RNLS: variants seen among roughly 807,000 people sequenced by gnomAD.
The protein encoded by RNLS is renalase.
Under a neutral mutation model 39.8 loss-of-function variants are expected in RNLS, and 39 were observed. The ratio of observed to expected loss-of-function variants is 0.98; its 90% confidence interval spans 0.76 to 1.28. The LOEUF (loss-of-function observed/expected upper bound fraction) is 1.28, where lower values mean the gene tolerates loss of function less well. Ranked by LOEUF, RNLS falls within the 50% of genes most tolerant of loss-of-function variation. The probability of loss-of-function intolerance (pLI) is 0.00; values close to 1 mark genes in which losing one functional copy is unlikely to be tolerated. For synonymous variants in RNLS, 147 were observed against 150.7 expected, an observed-to-expected ratio of 0.98 and a Z score of 0.18; for missense variants, 410 against 413.3, an observed-to-expected ratio of 0.99 and a Z score of 0.07.
chr10:88,332,427 A>G (rs1366996668), intron 5 of RNLS, among the ~76,000 whole-genome samples: 2 of 152,280 alleles, frequency 1.3e-5, no homozygotes, highest in East Asian at 1.9e-4. Flanking sequence ...TTATACTGTC[A>G]TCTTTGAGGA....
intron 5 of RNLS, among the ~76,000 whole-genome samples, chr10:88,339,486 G>A (rs1442649024): frequency 1.3e-5 from 2 of 152,114 alleles, no homozygotes; most frequent in African/African-American, 4.8e-5. Flanking sequence ...CTAAGCTCAG[G>A]TTGAAGTCAT....
chr10:88,271,869 C>T (rs1411541580), downstream of RNLS, among the ~76,000 whole-genome samples: 1 of 152,160 alleles, frequency 6.6e-6, no homozygotes, highest in Non-Finnish European at 1.5e-5. Context: ...CCCAGGAGTT[C>T]GTTTCTGTAT....
intron 4 of RNLS, among the ~76,000 whole-genome samples, chr10:88,469,824 T>TGTGTGTGTGC (rs1843411765): frequency 2.6e-5 from 1 of 39,016 alleles, no homozygotes; most frequent in Non-Finnish European, 9.9e-5. Context: ...TGTGTGTGCG[T>TGTGTGTGTGC]GTGTGTGTGT....
the RNLS span, among the ~76,000 whole-genome samples, chr10:88,180,183 T>C: frequency 1.3e-5 from 2 of 152,262 alleles, no homozygotes; most frequent in Admixed American, 6.5e-5. Flanking sequence ...GATCTGCTTA[T>C]ACTTTAAAAC....
rs1267382778 is a variant in RNLS, at chr10:88,359,325, AC to A, written c.700+3226del. On this transcript the variant is annotated intron_variant, in intron 5 of 6. Transcript: ENST00000331772. ...AGCGAAACTACATTAAAAAAAAAAAACAAAAAAACTCTTACTGTCCTAGTTA... is the reference window on the plus strand; with the variant it reads ...AGCGAAACTACATTAAAAAAAAAAAAAAAAAAACTCTTACTGTCCTAGTTA... Among the ~76,000 whole-genome samples, 11 of 145,958 alleles carry A rather than the reference AC, an allele frequency of 7.5e-5. No individual in the cohort carries two copies. The East Asian group carries it at 2.0e-3, about 26-fold the overall frequency.
At chr10:88,359,391 T>C (rs1849460527) in intron 5 of RNLS, among the ~76,000 whole-genome samples, 1 of 152,106 alleles carries the variant, frequency 6.6e-6, no homozygotes, top group Admixed American at 6.5e-5. Context: ...TTACATTACA[T>C]GGGCATTTGT....
chr10:88,430,182 TG>T (rs1564793103), intron 4 of RNLS, among the ~76,000 whole-genome samples: 1 of 151,908 alleles, frequency 6.6e-6, no homozygotes, highest in African/African-American at 2.4e-5. Flanking sequence ...CTTTCAGTAA[TG>T]TTTTATAGTT....
At chr10:88,505,558 A>G (rs1845744749) in intron 4 of RNLS, among the ~76,000 whole-genome samples, 1 of 152,042 alleles carries the variant, frequency 6.6e-6, no homozygotes, top group Non-Finnish European at 1.5e-5. Context: ...GTGGGAGAGA[A>G]GAAGGAATAA....
chr10:88,303,816 C>T (rs1047915051), intron 6 of RNLS, among the ~76,000 whole-genome samples: 4 of 152,184 alleles, frequency 2.6e-5, no homozygotes, highest in Non-Finnish European at 4.4e-5. Context: ...AGAAGGCACC[C>T]AGACCTGTGC....
chr10:88,345,083 T>C (rs1848218995), intron 5 of RNLS, among the ~76,000 whole-genome samples: 1 of 152,062 alleles, frequency 6.6e-6, no homozygotes, highest in African/African-American at 2.4e-5. Flanking sequence ...TAACAAGAAA[T>C]TTACTGGTAA....
At chr10:88,391,213 T>C (rs1359860710) in intron 4 of RNLS, among the ~76,000 whole-genome samples, 1 of 152,184 alleles carries the variant, frequency 6.6e-6, no homozygotes, top group Non-Finnish European at 1.5e-5. Flanking sequence ...ATTATGATAT[T>C]CCTTTCTTCT....
Position 88,305,980 on chromosome 10 carries a change from C to T in RNLS, c.876+8486G>A, listed in dbSNP as rs150431308. Among the ~76,000 whole-genome samples, 545 of 152,302 alleles carry T rather than the reference C, an allele frequency of 3.6e-3. 3 individuals are homozygous for T. Among genetic ancestry groups the T allele is most frequent in the African/African-American group, 0.013 (522 of 41,566 alleles). On this transcript the variant is annotated intron_variant, in intron 6 of 6. Transcript: ENST00000331772. Reference sequence around the variant, plus strand: ...GAACTGAAATCATAACAAACAATCTCTCAGACCACAGCACAATCAAATTAG... The same window carrying T: ...GAACTGAAATCATAACAAACAATCTTTCAGACCACAGCACAATCAAATTAG...
intron 4 of RNLS, among the ~76,000 whole-genome samples, chr10:88,381,245 G>A (rs528574102): frequency 4.6e-5 from 7 of 152,154 alleles, no homozygotes; most frequent in Admixed American, 1.3e-4. Context: ...TATTTATTAT[G>A]TCTTCTTGTA....
intron 5 of RNLS, among the ~76,000 whole-genome samples, chr10:88,324,274 C>G (rs184143042): frequency 6.6e-6 from 1 of 152,000 alleles, no homozygotes; most frequent in African/African-American, 2.4e-5. Flanking sequence ...CAAGAAGACA[C>G]CTGCACACGT....
Position 88,284,238 on chromosome 10 carries a change from A to C in RNLS, c.*1116T>G. The stretch of plus-strand genomic sequence containing the variant: ...TGTATGTGTATGTATGACAGTGGAC[A>C]TGTAAGTGTGAAACTTTAAACACTA... On this transcript the variant is annotated 3_prime_UTR_variant, in exon 7 of 7. Coordinates refer to ENST00000331772, the MANE Select transcript of RNLS (RefSeq NM_001031709.3). 1 of 985,414 alleles carries C rather than the reference A, an allele frequency of 1.0e-6. No individual in the cohort carries two copies. The highest frequency in any genetic ancestry group is 1.7e-5 in the African/African-American group (1 of 57,368). 61.0% of individuals were successfully genotyped at this position (985,414 alleles called of 1,614,324 possible). A position where few individuals can be genotyped will look rare whatever the true frequency, so the allele number is the denominator to read the frequency against.
At chr10:88,243,402 C>A in the RNLS span, among the ~76,000 whole-genome samples, 1 of 152,206 alleles carries the variant, frequency 6.6e-6, no homozygotes, top group South Asian at 2.1e-4. Context: ...GAGTCAGACA[C>A]TGCAGTTTGG....
chr10:88,459,788 G>A (rs1368642343), intron 4 of RNLS, among the ~76,000 whole-genome samples: 1 of 152,110 alleles, frequency 6.6e-6, no homozygotes, highest in African/African-American at 2.4e-5. Context: ...AAAGACATTT[G>A]TGTTTCTACA....
the RNLS span, among the ~76,000 whole-genome samples, chr10:88,246,306 A>C: frequency 6.6e-6 from 1 of 152,134 alleles, no homozygotes; most frequent in Non-Finnish European, 1.5e-5. Context: ...GACTTTCCAA[A>C]TCCAATCACA....
chr10:88,370,437 C>A (rs962164089), intron 4 of RNLS, among the ~76,000 whole-genome samples: 1 of 152,224 alleles, frequency 6.6e-6, no homozygotes, highest in East Asian at 1.9e-4. Context: ...TTGTTGTTTA[C>A]AGCTAATTAG....
Sources: gnomAD v4.1 joint callset for allele counts (sites outside exome capture counted in the v4.1 genomes callset) on GRCh38, gnomAD v4.1.1 for gene constraint, MANE v1.5 for transcripts, NCBI Gene and HGNC (gene_info 2026-07-23, HGNC 2026-07-21) for gene names.